The following ADCY10 variants were observed in gnomAD, a reference collection of about 807,000 sequenced individuals.
ADCY10 encodes adenylate cyclase 10, also known as adenylate cyclase type 10.
A neutral mutation model predicts 183.3 loss-of-function variants in ADCY10; 156 were observed. The ratio of observed to expected loss-of-function variants is 0.85; its 90% CI spans 0.75 to 0.97. The LOEUF (loss-of-function observed/expected upper bound fraction) is 0.97. Ranked by LOEUF, ADCY10 falls within the 50% of genes least tolerant of loss-of-function variation. The pLI is 0.00. For synonymous variants in ADCY10, 645 were observed against 670.0 expected, an observed-to-expected ratio of 0.96 and a Z score of 0.58; for missense variants, 1,745 against 1,934.3, an observed-to-expected ratio of 0.90 and a Z score of 1.84.
chr1:167,885,763 C>T (rs973534775), intron 8 of ADCY10, among the ~76,000 whole-genome samples: 2 of 151,984 alleles, frequency 1.3e-5, no homozygotes, highest in Admixed American at 6.6e-5. Context: ...TACAGGCGCC[C>T]ACCACTACGC....
chr1:167,893,241 G>C (rs1668719613), intron 8 of ADCY10, among the ~76,000 whole-genome samples: 1 of 152,112 alleles, frequency 6.6e-6, no homozygotes, highest in South Asian at 2.1e-4. Context: ...TCTGCTATGT[G>C]GCATATAGAA....
Position 167,879,042 on chromosome 1 carries a change from A to G in ADCY10, c.1217-407T>C, listed in dbSNP as rs149842231. Among the ~76,000 whole-genome samples the G allele has an allele frequency of 1.0e-2, 1,522 of 152,320 alleles. 12 individuals are homozygous for G. The highest frequency in any genetic ancestry group is 0.031 in the Middle Eastern group (9 of 294). On this transcript the variant is annotated intron_variant, in intron 11 of 32. Coordinates refer to ENST00000367851, the MANE Select transcript of ADCY10 (RefSeq NM_018417.6). ...ATATGAGACATAAAATTGTGTCTGC[A>G]TGCTCCTATGAATAAACCTTCATTT...
At chr1:167,884,823 G>C (rs1015817274) in intron 8 of ADCY10, among the ~76,000 whole-genome samples, 1 of 151,348 alleles carries the variant, frequency 6.6e-6, no homozygotes, top group Non-Finnish European at 1.5e-5. Flanking sequence ...TCAGCTTCCA[G>C]AGTAGCTGGG....
intron 22 of ADCY10, 96 bp downstream of exon 22, chr1:167,837,153 T>C: frequency 1.7e-6 from 2 of 1,192,368 alleles, no homozygotes; most frequent in Non-Finnish European, 2.5e-6. Context: ...ATCTAAGAGG[T>C]CAAAAGTACT....
intron 2 of ADCY10, 91 bp from the exon 3 acceptor site, chr1:167,904,082 CTTTT>C (rs879025060): frequency 7.4e-3 from 2,652 of 358,518 alleles, no homozygotes; most frequent in East Asian, 9.3e-3. Flanking sequence ...CGGGCCTCAG[CTTTT>C]TTTTTTTTTT....
intron 8 of ADCY10, among the ~76,000 whole-genome samples, chr1:167,884,171 A>G (rs1024284660): frequency 1.3e-5 from 2 of 152,234 alleles, no homozygotes; most frequent in East Asian, 1.9e-4. Flanking sequence ...TCCCACTGTT[A>G]TAAAGAACTA....
chr1:167,822,475 T>A (rs1271030706), intron 29 of ADCY10, among the ~76,000 whole-genome samples: 1 of 152,194 alleles, frequency 6.6e-6, no homozygotes, highest in Non-Finnish European at 1.5e-5. Context: ...AATGTCTGCA[T>A]CCCCTTTCAA....
intron 2 of ADCY10, 45 bp downstream of exon 2, chr1:167,904,948 G>A (rs764600132): frequency 1.2e-6 from 2 of 1,613,870 alleles, no homozygotes; most frequent in Admixed American, 1.7e-5. Context: ...TCCCACGCGA[G>A]CCTGTTGCTC....
chr1:167,817,906 A>C (rs559170264), intron 31 of ADCY10, among the ~76,000 whole-genome samples, 166 bp downstream of exon 31: 1 of 152,362 alleles, frequency 6.6e-6, no homozygotes, highest in East Asian at 1.9e-4. Context: ...CTGAGTAGTA[A>C]GGTTATGGGC....
chr1:167,855,470 T>G (rs1393934204), intron 17 of ADCY10, among the ~76,000 whole-genome samples: 1 of 152,170 alleles, frequency 6.6e-6, no homozygotes, highest in Non-Finnish European at 1.5e-5. Flanking sequence ...ACCACACCAT[T>G]GCCAGCCAGG....
intron 11 of ADCY10, 36 bp downstream of exon 11, chr1:167,880,079 C>T (rs548850335): frequency 1.6e-4 from 251 of 1,581,060 alleles, no homozygotes; most frequent in African/African-American, 1.3e-3. Flanking sequence ...GCTGTGTTTG[C>T]AGAAAGAAAG....
intron 8 of ADCY10, among the ~76,000 whole-genome samples, chr1:167,893,061 G>A (rs1306495081): frequency 6.6e-6 from 1 of 152,140 alleles, no homozygotes; most frequent in Non-Finnish European, 1.5e-5. Flanking sequence ...AATTCACATG[G>A]AATAATAAAT....
chr1:167,883,752 A>C, intron 8 of ADCY10, 124 bp from the exon 9 acceptor site: 1 of 844,758 alleles, frequency 1.2e-6, no homozygotes, highest in Non-Finnish European at 2.0e-6. Context: ...GAGGTACAAC[A>C]TGACAGAGCC....
At chr1:167,894,488 G>C (rs1258492032) in intron 7 of ADCY10, among the ~76,000 whole-genome samples, 3 of 152,186 alleles carry the variant, frequency 2.0e-5, no homozygotes, top group Middle Eastern at 6.8e-3. Flanking sequence ...TCACTATAAA[G>C]ATTGATAGTT....
At chr1:167,832,405 C>T (rs1305765347) in intron 25 of ADCY10, among the ~76,000 whole-genome samples, 1 of 152,108 alleles carries the variant, frequency 6.6e-6, no homozygotes, top group Non-Finnish European at 1.5e-5. Context: ...TATTTCTTCC[C>T]ACTCATTATT....
chr1:167,837,600 A>G (rs1023160744), intron 21 of ADCY10, among the ~76,000 whole-genome samples: 1 of 152,202 alleles, frequency 6.6e-6, no homozygotes, highest in South Asian at 2.1e-4. Flanking sequence ...AACCTGAAGG[A>G]TAGCAAACCC....
At chr1:167,892,715 A>G (rs1049643941) in intron 8 of ADCY10, among the ~76,000 whole-genome samples, 4 of 152,202 alleles carry the variant, frequency 2.6e-5, no homozygotes, top group African/African-American at 9.7e-5. Context: ...ATACCTCTCC[A>G]ATTCACTCTA....
intron 25 of ADCY10, among the ~76,000 whole-genome samples, chr1:167,829,951 G>A (rs960142519): frequency 3.9e-5 from 6 of 152,186 alleles, no homozygotes; most frequent in Non-Finnish European, 7.3e-5. Flanking sequence ...CAACAAAGGT[G>A]TGAAAGGAAA....
chr1:167,835,896 C>A (rs1558164632), intron 23 of ADCY10, among the ~76,000 whole-genome samples: 1 of 152,036 alleles, frequency 6.6e-6, no homozygotes, highest in Admixed American at 6.6e-5. Context: ...AAAAACAAAA[C>A]AAAAAACCAG....
Sources: allele counts gnomAD v4.1 joint callset (sites outside exome capture counted in the v4.1 genomes callset), GRCh38; gene constraint gnomAD v4.1.1; transcripts MANE v1.5; gene names NCBI Gene and HGNC (gene_info 2026-07-23, HGNC 2026-07-21).